CBY3: variants seen among roughly 807,000 people sequenced by gnomAD.
CBY3 encodes the protein sperm annulus positioning complex subunit Chibby3.
A neutral mutation model predicts 3.0 loss-of-function variants in CBY3; 7 were observed. The observed-to-expected ratio is 2.32, with a 90% CI of 1.32 to 4.35. CBY3 has a LOEUF of 4.35. Ranked by LOEUF, CBY3 falls within the 30% of genes most tolerant of loss-of-function variation. The pLI is 0.00. For synonymous variants in CBY3, 170 were observed against 154.5 expected, an observed-to-expected ratio of 1.10 and a Z score of -0.74; for missense variants, 400 against 336.4, an observed-to-expected ratio of 1.19 and a Z score of -1.48.
chr5:179,680,763 G>A, intron 1 of CBY3, 110 bp downstream of exon 1: 2 of 772,812 alleles, frequency 2.6e-6, no homozygotes, highest in Non-Finnish European at 4.2e-6. Flanking sequence ...TCTGCCCATG[G>A]GCAGTGAGAA....
Position 179,678,867 on chromosome 5 carries a change from G to A in CBY3, c.445C>T (p.Arg149Trp), listed in dbSNP as rs1431162308. ...GCGGTCCGCGAGAGCAGCGGCGACC[G>A]CGTCCTCGCCAGCTGGCTCTCAGTG... ...WTTESQLART[R>W]SPLLSRTAWG... Residue 149 changes from arginine to tryptophan, a missense_variant, in exon 2 of 2, where the codon CGG (arginine) becomes TGG (tryptophan). Physicochemically the swap from Arg to Trp is moderately radical, Grantham distance 101. Transcript: ENST00000376974. 2.0e-6 allele frequency: 3 copies of A among 1,536,286 alleles called. No homozygotes were observed. Among genetic ancestry groups the A allele is most frequent in the African/African-American group, 2.7e-5 (2 of 73,036 alleles).
At chr5:179,680,748 C>A in intron 1 of CBY3, 125 bp downstream of exon 1, 1 of 658,518 alleles carries the variant, frequency 1.5e-6, no homozygotes, top group Non-Finnish European at 2.6e-6. Context: ...GTTTCTAATT[C>A]CTCTTCTGCC....
rs1276719546 is a variant in CBY3, at chr5:179,678,934, G to T, written c.378C>A (p.Arg126=). The change falls in exon 2 of 2, where the codon CGC becomes CGA. Residue 126 remains arginine (R), a synonymous_variant. Transcript: ENST00000376974. ...LGLAYGAPCM[R]LSNQAFVFRG... ...GGAACACGAAGGCCTGGTTGCTGAG[G>T]CGCATGCACGGCGCGCCGTAGGCGA... 8 of 1,535,126 alleles carry T rather than the reference G, an allele frequency of 5.2e-6. No homozygotes were observed. Among genetic ancestry groups the T allele is most frequent in the African/African-American group, 1.4e-5 (1 of 72,992 alleles).
In CBY3 at chr5:179,678,994, C is replaced by A; in HGVS notation, c.318G>T (p.Leu106=). Residue 106 remains leucine, a synonymous_variant, in exon 2 of 2, where the codon CTG becomes CTT. Transcript: ENST00000376974. The part of the protein sequence containing the change: ...RRMPSLSTFY[L]LDHNTRQAEL... ...CGGCCTGGCGCGTGTTGTGGTCCAG[C>A]AGGTAGAAGGTGGACAGGGAGGGCA... is the stretch of plus-strand genomic sequence containing the variant. The A allele has an allele frequency of 6.5e-7, 1 of 1,535,920 alleles. No individual in the cohort carries two copies. The highest frequency in any genetic ancestry group is 2.4e-5 in the East Asian group (1 of 40,900).
intron 1 of CBY3, 136 bp from the exon 2 acceptor site, chr5:179,679,401 G>A: frequency 1.4e-6 from 1 of 708,986 alleles, no homozygotes; most frequent in Non-Finnish European, 2.3e-6. Context: ...CGAGGAGCCC[G>A]TCGTTCCACG....
intron 1 of CBY3, 119 bp from the exon 2 acceptor site, chr5:179,679,384 T>G: frequency 1.2e-6 from 1 of 869,140 alleles, no homozygotes; most frequent in Non-Finnish European, 1.7e-6. Flanking sequence ...CACCAGCTGC[T>G]GGCCACCGAG....
In CBY3 at chr5:179,678,726, G is replaced by A. The variant is rs546644235; in HGVS notation, c.586C>T (p.Arg196Cys). Residue 196 changes from arginine to cysteine, a missense_variant, in exon 2 of 2, where the codon CGC becomes TGC. Coordinates refer to ENST00000376974, the MANE Select transcript of CBY3 (RefSeq NM_001164444.2). ...LIDMLTETMARMHLLEKQRNP... is the reference protein window; with the variant it reads ...LIDMLTETMACMHLLEKQRNP... ...CGCTGCTTCTCCAGCAAGTGCATGCGCGCCATGGTCTCAGTCAGCATGTCT... is the reference window on the plus strand; with the variant it reads ...CGCTGCTTCTCCAGCAAGTGCATGCACGCCATGGTCTCAGTCAGCATGTCT... The A allele has an allele frequency of 3.9e-5, 60 of 1,536,998 alleles. No individual in the cohort carries two copies. In the Middle Eastern group the frequency reaches 5.0e-4, roughly 13 times the overall value.
intron 1 of CBY3, among the ~76,000 whole-genome samples, chr5:179,680,308 C>T (rs781770452): frequency 6.6e-6 from 1 of 152,118 alleles, no homozygotes; most frequent in African/African-American, 2.4e-5. Flanking sequence ...GATCTGGATT[C>T]TGAAAGCAAT....
rs1003280526 is a variant in CBY3, at chr5:179,678,853, G to A, written c.459C>T (p.Leu153=). 6 of 1,536,534 alleles carry A rather than the reference G, an allele frequency of 3.9e-6. No individual in the cohort carries two copies. In the African/African-American group the frequency reaches 5.5e-5, roughly 14 times the overall value. The part of the protein sequence containing the change: ...SQLARTRSPL[L]SRTAWGWKAQ... ...CCTTCCAGCCCCAGGCGGTCCGCGA[G>A]AGCAGCGGCGACCGCGTCCTCGCCA... Residue 153 remains leucine (L), a synonymous_variant, in exon 2 of 2, where the codon CTC becomes CTT. Transcript: ENST00000376974.
Position 179,678,593 on chromosome 5 carries a change from T to G in CBY3, c.719A>C (p.Asp240Ala), listed in dbSNP as rs199692218. 1,688 of 1,512,992 alleles carry G rather than the reference T, an allele frequency of 1.1e-3. 13 individuals carry two copies. The African/African-American group carries it at 0.021, about 18-fold the overall frequency. 93.7% of individuals were successfully genotyped at this position (1,512,992 alleles called of 1,614,324 possible). Residue 240 changes from aspartate (D) to alanine (A), a missense_variant, in exon 2 of 2, where the codon GAC becomes GCC. Transcript: ENST00000376974. ...GCGGCCTTTATTGCGTCACTGCGAG[T>G]CCAGAGCGCACGGCTGGATCATGAG... is the stretch of plus-strand genomic sequence containing the variant. ...GVLMIQPCALDSQ is the reference protein window; with the variant it reads ...GVLMIQPCALASQ
rs769126790 is a variant in CBY3, at chr5:179,679,185, G to C, written c.127C>G (p.Arg43Gly). Residue 43 changes from arginine (R) to glycine (G), a missense_variant, in exon 2 of 2, where the codon CGA becomes GGA. By Grantham distance (125) the Arg-to-Gly change is moderately radical. Coordinates refer to ENST00000376974, the MANE Select transcript of CBY3 (RefSeq NM_001164444.2). ...QERSTSRQRS[R>G]GSPSSTCVPY... ...ACGCAGGTGCTCGAAGGGGAGCCTC[G>C]GGAGCGCTGGCGACTCGTGCTGCGC... 9.8e-6 allele frequency: 15 copies of C among 1,534,918 alleles called. No homozygotes were observed. The South Asian group carries it at 1.8e-4, about 18-fold the overall frequency.
chr5:179,679,205 C>T lies in CBY3; in HGVS notation c.107G>A (p.Ser36Asn). Residue 36 changes from serine (S) to asparagine (N), a missense_variant, in exon 2 of 2, where the codon AGC (serine) becomes AAC (asparagine). By Grantham distance (46) the Ser-to-Asn change is conservative. Coordinates refer to ENST00000376974, the MANE Select transcript of CBY3 (RefSeq NM_001164444.2). ...GCCTCGGGAGCGCTGGCGACTCGTG[C>T]TGCGCTCTTGTCTCGGGAGCCCGGA... ...WTSGLPRQER[S>N]TSRQRSRGSP... 3 of 1,534,610 alleles carry T rather than the reference C, an allele frequency of 2.0e-6. No individual in the cohort carries two copies. The highest frequency in any genetic ancestry group is 4.9e-5 in the East Asian group (2 of 40,918).
chr5:179,680,637 C>T (rs1179997776), intron 1 of CBY3, among the ~76,000 whole-genome samples: 1 of 152,088 alleles, frequency 6.6e-6, no homozygotes, highest in Non-Finnish European at 1.5e-5. Context: ...AGTCCAAAGT[C>T]CAGATAACAG....
At position 179,680,991 on chromosome 5, in the gene CBY3, A is replaced by T. The variant is rs1776049237; in HGVS notation, c.-73T>A. 2.2e-6 allele frequency: 3 copies of T among 1,353,634 alleles called. No individual in the cohort carries two copies. The East Asian group carries it at 7.6e-5, about 34-fold the overall frequency. The allele number at this position is 1,353,634 out of a possible 1,614,324, so 83.9% of individuals were successfully genotyped here. On this transcript the variant is annotated 5_prime_UTR_variant, in exon 1 of 2. Coordinates refer to ENST00000376974, the MANE Select transcript of CBY3 (RefSeq NM_001164444.2). ...TAGTCCTCACTGTATGTTGTGCCTC[A>T]CCTGGAAGATGGGGTGGAGTTGCTG...
intron 1 of CBY3, among the ~76,000 whole-genome samples, chr5:179,680,302 T>A (rs1776029750): frequency 6.6e-6 from 1 of 152,128 alleles, no homozygotes; most frequent in Non-Finnish European, 1.5e-5. Flanking sequence ...GGGTTAGATC[T>A]GGATTCTGAA....
In CBY3 at chr5:179,678,664, G is replaced by GGC. The variant is rs1562423294; in HGVS notation, c.646_647dup (p.Gly217ProfsTer18). The GGC allele has an allele frequency of 6.5e-7, 1 of 1,535,450 alleles. No homozygotes were observed. Among genetic ancestry groups the GGC allele is most frequent in the South Asian group, 1.2e-5 (1 of 83,986 alleles). On this transcript the variant is annotated frameshift_variant, in exon 2 of 2. Coordinates refer to ENST00000376974, the MANE Select transcript of CBY3 (RefSeq NM_001164444.2). LOFTEE classifies it low-confidence loss of function (END_TRUNC). Reference sequence around the variant, plus strand: ...CGCGCTTGCGCATCTTCCTCTGCCCGGCGCGCGCCGCAGCCGTCGGGATCA... The same window carrying GGC: ...CGCGCTTGCGCATCTTCCTCTGCCCGGCGCGCGCGCCGCAGCCGTCGGGATCA...
In CBY3 at chr5:179,678,836, C is replaced by T. The variant is rs182438589; in HGVS notation, c.476G>A (p.Gly159Asp). ...GGACCGCTGCACCTGCGCCTTCCAG[C>T]CCCAGGCGGTCCGCGAGAGCAGCGG... ...RSPLLSRTAW[G>D]WKAQVQRSKS... The change falls in exon 2 of 2, where the codon GGC becomes GAC. Residue 159 changes from glycine to aspartate, a missense_variant. By Grantham distance (94) the Gly-to-Asp change is moderately conservative. Transcript: ENST00000376974. 59 of 1,536,972 alleles carry T rather than the reference C, an allele frequency of 3.8e-5. No individual in the cohort carries two copies. The Admixed American group carries it at 1.1e-3, about 28-fold the overall frequency.
intron 1 of CBY3, 74 bp downstream of exon 1, chr5:179,680,799 T>C: frequency 8.0e-7 from 1 of 1,247,078 alleles, no homozygotes; most frequent in Non-Finnish European, 1.1e-6. Flanking sequence ...CAGGGTTCCC[T>C]CTGTTATGCC....
Position 179,679,124 on chromosome 5 carries a change from C to A in CBY3, c.188G>T (p.Cys63Phe). Residue 63 changes from cysteine (C) to phenylalanine (F), a missense_variant, in exon 2 of 2, where the codon TGC becomes TTC. Cys to Phe is a radical substitution (Grantham distance 205). Coordinates refer to ENST00000376974, the MANE Select transcript of CBY3 (RefSeq NM_001164444.2). Reference protein sequence around the residue: ...YKVHALATFECSATSHASRLW... With the variant: ...YKVHALATFEFSATSHASRLW... ...GCGGCTGGCATGGCTCGTAGCCGAG[C>A]ACTCGAAGGTTGCCAGGGCGTGGAC... 6.5e-7 allele frequency: 1 copy of A among 1,535,606 alleles called. No homozygotes were observed. Among genetic ancestry groups the A allele is most frequent in the South Asian group, 1.2e-5 (1 of 84,034 alleles).
Sources: allele counts gnomAD v4.1 joint callset (sites outside exome capture counted in the v4.1 genomes callset), GRCh38; gene constraint gnomAD v4.1.1; transcripts MANE v1.5; gene names NCBI Gene and HGNC (gene_info 2026-07-23, HGNC 2026-07-21).